FBXL17: variants seen among roughly 807,000 people sequenced by gnomAD.
FBXL17 encodes the protein F-box/LRR-repeat protein 17.
Under a neutral mutation model 66.2 loss-of-function variants are expected in FBXL17, and 22 were observed. The ratio of observed to expected loss-of-function variants is 0.33; its 90% CI spans 0.24 to 0.47. The LOEUF is 0.47. Among genes scored for constraint, FBXL17 ranks in the 20% least tolerant of loss-of-function variants. The pLI is 1.00. For synonymous variants in FBXL17, 474 were observed against 400.5 expected (o/e 1.18, Z -2.19); for missense variants, 878 against 948.2 (o/e 0.93, Z 0.97).
chr5:108,380,945 C>G lies in FBXL17; in HGVS notation c.747G>C (p.Gln249His). 2 of 1,222,568 alleles carry G rather than the reference C, an allele frequency of 1.6e-6. No homozygotes were observed. The highest frequency in any genetic ancestry group is 2.0e-6 in the Non-Finnish European group (2 of 980,690). 75.7% of individuals were successfully genotyped at this position (1,222,568 alleles called of 1,614,324 possible). Reference sequence around the variant, plus strand: ...GCGGCTGCGGGGGCTGCTCCGGGGCCTGGCAGCAGCCGGCGTCGGGGGGCC... The same window carrying G: ...GCGGCTGCGGGGGCTGCTCCGGGGCGTGGCAGCAGCCGGCGTCGGGGGGCC... ...PPRPPDAGCC[Q>H]APEQPPQPLC... The change falls in exon 1 of 9, where the codon CAG (glutamine) becomes CAC (histidine). Residue 249 changes from glutamine to histidine, a missense_variant. By Grantham distance (24) the Gln-to-His change is conservative. This residue lies in a region of FBXL17 where 605 missense variants were observed against 509.5 expected (regional missense o/e 1.19). Transcript: ENST00000542267.
chr5:107,893,088 T>C (rs1439298594), intron 7 of FBXL17, among the ~76,000 whole-genome samples: 1 of 152,100 alleles, frequency 6.6e-6, no homozygotes, highest in Non-Finnish European at 1.5e-5. Flanking sequence ...GTGGGTATCA[T>C]TGTCAGGGTT....
chr5:107,873,793 G>T (rs1748529152), intron 8 of FBXL17, among the ~76,000 whole-genome samples: 1 of 152,150 alleles, frequency 6.6e-6, no homozygotes. Context: ...AAAGCTCCAA[G>T]GAGATTATTT....
At chr5:108,098,498 C>A (rs893359044) in intron 6 of FBXL17, among the ~76,000 whole-genome samples, 1 of 152,070 alleles carries the variant, frequency 6.6e-6, no homozygotes, top group African/African-American at 2.4e-5. Flanking sequence ...ATAATCCCAG[C>A]ACTTTGGGAG....
intron 6 of FBXL17, among the ~76,000 whole-genome samples, chr5:108,148,001 G>GA (rs1751626227): frequency 6.6e-6 from 1 of 151,684 alleles, no homozygotes; most frequent in African/African-American, 2.4e-5. Flanking sequence ...GAAAAAAACT[G>GA]AAAAAAGCCT....
chr5:108,344,469 C>T (rs1747116163), intron 4 of FBXL17, among the ~76,000 whole-genome samples: 1 of 152,080 alleles, frequency 6.6e-6, no homozygotes. Context: ...TAATAGTTTA[C>T]AGCCTAATTA....
intron 6 of FBXL17, among the ~76,000 whole-genome samples, chr5:108,110,335 A>G (rs1749980950): frequency 6.6e-6 from 1 of 152,240 alleles, no homozygotes; most frequent in Non-Finnish European, 1.5e-5. Flanking sequence ...GAAATAGACT[A>G]AAGTACATAT....
intron 3 of FBXL17, among the ~76,000 whole-genome samples, chr5:108,353,259 G>A (rs985525411): frequency 6.6e-6 from 1 of 152,180 alleles, no homozygotes; most frequent in African/African-American, 2.4e-5. Context: ...CAAAACTGCA[G>A]AGACAGACAG....
chr5:108,146,267 A>G (rs1392144130), intron 6 of FBXL17, among the ~76,000 whole-genome samples: 1 of 151,796 alleles, frequency 6.6e-6, no homozygotes, highest in Non-Finnish European at 1.5e-5. Context: ...AAACTGAACC[A>G]GGATCTTAGA....
At chr5:107,999,118 T>C (rs1753604352) in intron 7 of FBXL17, among the ~76,000 whole-genome samples, 1 of 152,220 alleles carries the variant, frequency 6.6e-6, no homozygotes, top group African/African-American at 2.4e-5. Context: ...ATCTGGTAGA[T>C]GAATATCATC....
rs538570091 is a variant in FBXL17 at position 108,197,334 on chromosome 5, G to T, written c.1615-11087C>A. ...ATTAAGGGTAAATTAAGTCAAATGT[G>T]AATGCAAGCAAGAAAAGACTGCTTC... On this transcript the variant is annotated intron_variant, in intron 5 of 8. Coordinates refer to ENST00000542267, the MANE Select transcript of FBXL17 (RefSeq NM_001163315.3). 7.2e-5 allele frequency among the ~76,000 whole-genome samples: 11 copies of T among 152,234 alleles called. No homozygotes were observed. In the South Asian group the frequency reaches 2.3e-3, roughly 32 times the overall value.
intron 5 of FBXL17, among the ~76,000 whole-genome samples, chr5:108,204,575 T>C (rs1754034619): frequency 1.3e-5 from 2 of 152,226 alleles, no homozygotes; most frequent in Admixed American, 6.5e-5. Flanking sequence ...ATTATATTGA[T>C]GAAGTTACAG....
chr5:108,243,138 T>C (rs1755935723), intron 4 of FBXL17, among the ~76,000 whole-genome samples: 1 of 152,168 alleles, frequency 6.6e-6, no homozygotes, highest in Non-Finnish European at 1.5e-5. Flanking sequence ...AAAAAGAGAT[T>C]GATAAGTTAT....
intron 4 of FBXL17, among the ~76,000 whole-genome samples, chr5:108,304,799 C>T (rs923724801): frequency 6.6e-6 from 1 of 151,912 alleles, no homozygotes; most frequent in Admixed American, 6.6e-5. Flanking sequence ...ATATTTCAGC[C>T]TTGTACATAC....
At chr5:108,318,683 T>G (rs777983074) in intron 4 of FBXL17, among the ~76,000 whole-genome samples, 1 of 151,856 alleles carries the variant, frequency 6.6e-6, no homozygotes, top group Non-Finnish European at 1.5e-5. Context: ...TAGCCTAATT[T>G]TACAGGATTA....
At chr5:108,146,215 T>C (rs1273417949) in intron 6 of FBXL17, among the ~76,000 whole-genome samples, 11 of 143,092 alleles carry the variant, frequency 7.7e-5, no homozygotes, top group Non-Finnish European at 1.1e-4. Context: ...CTGGGCGACA[T>C]AGCAAGACTT....
chr5:107,998,191 T>C (rs1259201552), intron 7 of FBXL17, among the ~76,000 whole-genome samples: 1 of 152,238 alleles, frequency 6.6e-6, no homozygotes, highest in Non-Finnish European at 1.5e-5. Flanking sequence ...AGTATATTAT[T>C]AAAATAAATT....
At chr5:107,869,101 G>A (rs995850765) in intron 8 of FBXL17, among the ~76,000 whole-genome samples, 1 of 152,136 alleles carries the variant, frequency 6.6e-6, no homozygotes, top group Non-Finnish European at 1.5e-5. Flanking sequence ...CACACTCAGC[G>A]CCTGCCTCCT....
chr5:108,371,213 A>G (rs1163054369), intron 1 of FBXL17, among the ~76,000 whole-genome samples: 1 of 152,174 alleles, frequency 6.6e-6, no homozygotes, highest in African/African-American at 2.4e-5. Flanking sequence ...GAGCTGCAAT[A>G]TAGACCCCAA....
intron 4 of FBXL17, chr5:108,299,215 A>G: frequency 1.0e-6 from 1 of 985,074 alleles, no homozygotes. Flanking sequence ...CCTTTATGAC[A>G]TACATACAGG....
Sources: allele counts gnomAD v4.1 joint callset (sites outside exome capture counted in the v4.1 genomes callset), GRCh38; gene constraint gnomAD v4.1.1; regional missense constraint gnomAD v4.1.1; transcripts MANE v1.5; gene names NCBI Gene and HGNC (gene_info 2026-07-23, HGNC 2026-07-21).